EPHA6: variants seen among roughly 807,000 people sequenced by gnomAD.
The protein encoded by EPHA6 is EPH receptor A6.
A neutral mutation model predicts 112.0 loss-of-function variants in EPHA6; 50 were observed. The observed-to-expected ratio is 0.45, with a 90% CI of 0.36 to 0.56. The LOEUF (loss-of-function observed/expected upper bound fraction) is 0.56, where lower values mean the gene tolerates loss of function less well. Among genes scored for constraint, EPHA6 ranks in the 20% least tolerant of loss-of-function variants. The pLI is 0.00. For missense variants in EPHA6, 1,280 were observed against 1,417.4 expected (o/e 0.90, Z 1.56); for synonymous variants, 529 against 490.7 (o/e 1.08, Z -1.03).
intron 3 of EPHA6, among the ~76,000 whole-genome samples, chr3:97,025,825 T>C (rs1335584639): frequency 2.0e-5 from 3 of 152,042 alleles, no homozygotes; most frequent in African/African-American, 7.2e-5. Flanking sequence ...CCTGACGTCA[T>C]GATCTGCCCT....
At chr3:97,124,709 T>C (rs1361224682) in intron 3 of EPHA6, among the ~76,000 whole-genome samples, 1 of 152,104 alleles carries the variant, frequency 6.6e-6, no homozygotes, top group Non-Finnish European at 1.5e-5. Context: ...GCAGAGCTTC[T>C]AGATATAGAA....
intron 6 of EPHA6, among the ~76,000 whole-genome samples, chr3:97,410,941 G>A (rs908866137): frequency 1.3e-5 from 2 of 152,020 alleles, no homozygotes; most frequent in Admixed American, 1.3e-4. Flanking sequence ...TTGTTGATCT[G>A]TAGGTGTTAC....
intron 2 of EPHA6, among the ~76,000 whole-genome samples, chr3:96,964,427 G>A (rs59799437): frequency 0.013 from 1,984 of 152,166 alleles, 47 homozygotes; most frequent in African/African-American, 0.044. Flanking sequence ...TTTGTTTGAG[G>A]GGGAAACTTT....
chr3:97,299,220 A>AGT (rs60777824), intron 5 of EPHA6, among the ~76,000 whole-genome samples: 1,740 of 133,348 alleles, frequency 0.013, 36 homozygotes, highest in African/African-American at 0.039. Flanking sequence ...TGTAGGGGGG[A>AGT]GTGTGTGTGT....
intron 5 of EPHA6, among the ~76,000 whole-genome samples, chr3:97,267,010 G>T (rs572968021): frequency 6.6e-6 from 1 of 152,252 alleles, no homozygotes; most frequent in South Asian, 2.1e-4. Flanking sequence ...GAGATCTGTA[G>T]CCAATGTTTT....
chr3:97,317,524 C>T (rs1307469164), intron 5 of EPHA6, among the ~76,000 whole-genome samples: 2 of 151,728 alleles, frequency 1.3e-5, no homozygotes. Context: ...GATTGTTTTC[C>T]CATTTCCTTT....
At chr3:97,495,559 T>G (rs1471196071) in intron 10 of EPHA6, among the ~76,000 whole-genome samples, 1 of 152,068 alleles carries the variant, frequency 6.6e-6, no homozygotes, top group Non-Finnish European at 1.5e-5. Context: ...CCTATTCAAT[T>G]TCATTGTGTT....
Position 97,684,226 on chromosome 3 carries a change from TAATG to T in EPHA6, c.2785-36030_2785-36027del, listed in dbSNP as rs567430015. ...TCATATTTAGCAAATATTTTTCAAT[TAATG>T]AATGGGTAAATTAATGAATATAAGA... On this transcript the variant is annotated intron_variant, in intron 14 of 17. Coordinates refer to ENST00000389672, the MANE Select transcript of EPHA6 (RefSeq NM_001080448.3). Among the ~76,000 whole-genome samples, 61 of 152,280 alleles carry T rather than the reference TAATG, an allele frequency of 4.0e-4. No individual in the cohort carries two copies. The East Asian group carries it at 0.012, about 29-fold the overall frequency.
chr3:96,941,309 T>G (rs2040928921), intron 2 of EPHA6, among the ~76,000 whole-genome samples: 1 of 152,158 alleles, frequency 6.6e-6, no homozygotes, highest in Non-Finnish European at 1.5e-5. Context: ...TTTTTATTCT[T>G]TTTTCTCTAA....
At chr3:96,822,556 G>A (rs573069067) in intron 1 of EPHA6, among the ~76,000 whole-genome samples, 1 of 151,806 alleles carries the variant, frequency 6.6e-6, no homozygotes, top group Non-Finnish European at 1.5e-5. Flanking sequence ...TTTTTGATCA[G>A]AGGAAATATG....
intron 3 of EPHA6, among the ~76,000 whole-genome samples, chr3:97,118,348 C>G (rs138637695): frequency 6.6e-6 from 1 of 151,266 alleles, no homozygotes; most frequent in East Asian, 1.9e-4. Context: ...CATAAATATT[C>G]TATAATCAGA....
At chr3:97,308,885 A>T (rs900153116) in intron 5 of EPHA6, among the ~76,000 whole-genome samples, 1 of 151,786 alleles carries the variant, frequency 6.6e-6, no homozygotes, top group African/African-American at 2.4e-5. Flanking sequence ...TGACTCCTTC[A>T]GACCCATGAG....
intron 2 of EPHA6, among the ~76,000 whole-genome samples, chr3:96,963,683 T>G (rs1168530652): frequency 6.6e-6 from 1 of 152,160 alleles, no homozygotes; most frequent in African/African-American, 2.4e-5. Flanking sequence ...TCCTGCTAAT[T>G]AAACAAAAGT....
In EPHA6 at chr3:97,133,841, A is replaced by G. The variant is rs187494329; in HGVS notation, c.1115-92423A>G. 1.7e-3 allele frequency among the ~76,000 whole-genome samples: 260 copies of G among 152,122 alleles called. 2 individuals carry two copies. The highest frequency in any genetic ancestry group is 6.1e-3 in the African/African-American group (252 of 41,570). ...AAGTGTCTTCTTCAGTAATTAGTTT[A>G]ATTTGTTCTCAATAGGGAATTCTAA... On this transcript the variant is annotated intron_variant, in intron 3 of 17. Coordinates refer to ENST00000389672, the MANE Select transcript of EPHA6 (RefSeq NM_001080448.3).
chr3:97,528,841 A>G (rs886603164), intron 10 of EPHA6, among the ~76,000 whole-genome samples: 1 of 152,192 alleles, frequency 6.6e-6, no homozygotes, highest in Non-Finnish European at 1.5e-5. Flanking sequence ...ACCAACATCC[A>G]GGGAGATAGA....
At chr3:97,565,087 A>AG (rs944973162) in intron 11 of EPHA6, among the ~76,000 whole-genome samples, 2 of 152,182 alleles carry the variant, frequency 1.3e-5, no homozygotes, top group African/African-American at 4.8e-5. Context: ...GAGTCTAGGG[A>AG]GTTTTCTGCC....
intron 3 of EPHA6, among the ~76,000 whole-genome samples, chr3:97,180,162 G>T (rs1335537692): frequency 2.0e-5 from 3 of 151,998 alleles, no homozygotes; most frequent in Non-Finnish European, 4.4e-5. Flanking sequence ...GCGTTCGTTT[G>T]TAGCCACCAG....
At chr3:97,522,389 G>A (rs905142895) in intron 10 of EPHA6, among the ~76,000 whole-genome samples, 3 of 152,126 alleles carry the variant, frequency 2.0e-5, no homozygotes, top group Non-Finnish European at 4.4e-5. Context: ...TGCATCCCAG[G>A]GATAAATTCC....
chr3:96,975,246 T>C (rs1482065167), intron 2 of EPHA6, among the ~76,000 whole-genome samples: 1 of 152,058 alleles, frequency 6.6e-6, no homozygotes, highest in Non-Finnish European at 1.5e-5. Context: ...TTTGGGGCTG[T>C]AGACTTGGGA....
Sources: gnomAD v4.1 joint callset for allele counts (sites outside exome capture counted in the v4.1 genomes callset) on GRCh38, gnomAD v4.1.1 for gene constraint, MANE v1.5 for transcripts, NCBI Gene and HGNC (gene_info 2026-07-23, HGNC 2026-07-21) for gene names.